The following FOXP2 variants were observed in gnomAD, a reference collection of about 807,000 sequenced individuals.
The protein encoded by FOXP2 is forkhead box P2, also known as forkhead box protein P2.
In FOXP2, 12 loss-of-function variants were observed where a neutral mutation model predicts 115.8. The observed-to-expected ratio is 0.10, with a 90% CI of 0.07 to 0.17. FOXP2 has a LOEUF of 0.17. Ranked by LOEUF, FOXP2 falls within the 10% of genes least tolerant of loss-of-function variation. The pLI, the probability that FOXP2 is intolerant of heterozygous loss-of-function variation, is 1.00. For synonymous variants in FOXP2, 328 were observed against 297.7 expected, an observed-to-expected ratio of 1.10 and a Z score of -1.05; for missense variants, 629 against 843.5, an observed-to-expected ratio of 0.75 and a Z score of 3.15.
At chr7:114,468,612 C>A (rs938492748) in intron 2 of FOXP2, among the ~76,000 whole-genome samples, 1 of 152,074 alleles carries the variant, frequency 6.6e-6, no homozygotes, top group African/African-American at 2.4e-5. Context: ...CTACCTGGAA[C>A]AACTCTTTCT....
intron 2 of FOXP2, among the ~76,000 whole-genome samples, chr7:114,444,546 C>G (rs1006231350): frequency 2.0e-5 from 3 of 152,116 alleles, no homozygotes; most frequent in African/African-American, 7.2e-5. Flanking sequence ...ACTAGTACAG[C>G]TTTATTAATT....
intron 1 of FOXP2, among the ~76,000 whole-genome samples, chr7:114,193,295 C>T (rs1281747801): frequency 1.3e-5 from 2 of 151,858 alleles, no homozygotes; most frequent in African/African-American, 2.4e-5. Flanking sequence ...GCTTTGTATT[C>T]GAGTTTCAAA....
intron 2 of FOXP2, among the ~76,000 whole-genome samples, chr7:114,508,460 T>A (rs548192986): frequency 1.3e-5 from 2 of 152,160 alleles, no homozygotes; most frequent in South Asian, 4.1e-4. Flanking sequence ...TATGATCTAG[T>A]CCTACAAAAG....
In FOXP2 at chr7:114,237,510, A is replaced by G. The variant is rs1351613368; in HGVS notation, c.-101-50509A>G. ...CTAAATTTTCTTTATTAAGCCTTATATTTTAATTATGGGAAACATAGATTA... is the reference window on the plus strand; with the variant it reads ...CTAAATTTTCTTTATTAAGCCTTATGTTTTAATTATGGGAAACATAGATTA... On this transcript the variant is annotated intron_variant, in intron 1 of 17. Transcript: ENST00000634411. 2.0e-5 allele frequency among the ~76,000 whole-genome samples: 3 copies of G among 152,278 alleles called. No individual in the cohort carries two copies. The East Asian group carries it at 5.8e-4, about 29-fold the overall frequency.
At chr7:114,486,640 G>A (rs555390974) in intron 2 of FOXP2, among the ~76,000 whole-genome samples, 40 of 152,316 alleles carry the variant, frequency 2.6e-4, no homozygotes, top group Non-Finnish European at 3.8e-4. Flanking sequence ...AAAATCAAAA[G>A]CAAGTCAGTT....
intron 3 of FOXP2, among the ~76,000 whole-genome samples, chr7:114,619,045 C>A (rs545241843): frequency 5.3e-5 from 8 of 152,100 alleles, no homozygotes; most frequent in Non-Finnish European, 1.2e-4. Context: ...ACAGCTTGAA[C>A]AAAGTGACAA....
At position 114,644,822 on chromosome 7, in the gene FOXP2, G is replaced by A. The variant is rs761834466; in HGVS notation, c.1094+33G>A. The A allele has an allele frequency of 6.5e-6, 10 of 1,534,826 alleles. No homozygotes were observed. In the East Asian group the frequency reaches 2.0e-4, roughly 31 times the overall value. On this transcript the variant is annotated intron_variant, in intron 8 of 16. Coordinates refer to ENST00000350908, the MANE Select transcript of FOXP2 (RefSeq NM_014491.4). ...TTTTACTTTTTTTTGGTGGGGGGCG[G>A]GGGCTGGATTATATGGGCATTTTAG... is the stretch of plus-strand genomic sequence containing the variant.
intron 1 of FOXP2, among the ~76,000 whole-genome samples, chr7:114,253,114 C>G (rs1281164346): frequency 1.3e-5 from 2 of 152,110 alleles, no homozygotes; most frequent in East Asian, 1.9e-4. Flanking sequence ...GGGTGAGTTT[C>G]TTAATCCTGA....
chr7:114,526,649 A>G (rs1432290369), intron 2 of FOXP2, among the ~76,000 whole-genome samples: 1 of 152,158 alleles, frequency 6.6e-6, no homozygotes. Context: ...AGTACCCTAT[A>G]GGAACTGATA....
chr7:114,569,076 T>A (rs1181104128), intron 3 of FOXP2, among the ~76,000 whole-genome samples: 1 of 152,000 alleles, frequency 6.6e-6, no homozygotes, highest in Non-Finnish European at 1.5e-5. Context: ...TGACAATCAC[T>A]TATTTTTTAT....
intron 2 of FOXP2, among the ~76,000 whole-genome samples, chr7:114,443,189 A>G (rs1794683087): frequency 6.6e-6 from 1 of 152,228 alleles, no homozygotes; most frequent in Non-Finnish European, 1.5e-5. Context: ...CACTCAGTAT[A>G]TAACATATGT....
intron 1 of FOXP2, among the ~76,000 whole-genome samples, chr7:114,191,693 C>T (rs890223261): frequency 1.3e-5 from 2 of 152,164 alleles, no homozygotes; most frequent in African/African-American, 4.8e-5. Flanking sequence ...TTTCCTCTCC[C>T]AACACAGTTT....
intron 1 of FOXP2, among the ~76,000 whole-genome samples, chr7:114,143,006 G>A (rs1792264117): frequency 6.6e-6 from 1 of 151,772 alleles, no homozygotes; most frequent in Non-Finnish European, 1.5e-5. Context: ...AAATTAGTCA[G>A]GCATGGTGGC....
rs945049195 is a variant in FOXP2, at chr7:114,662,130, A to G, written c.1713A>G (p.Ala571=). 5.0e-6 allele frequency: 8 copies of G among 1,612,890 alleles called. No homozygotes were observed. Among genetic ancestry groups the G allele is most frequent in the Non-Finnish European group, 3.4e-6 (4 of 1,179,240 alleles). Residue 571 remains alanine, a synonymous_variant, in exon 14 of 17, where the codon GCA becomes GCG. Transcript: ENST00000350908. Reference sequence around the variant, plus strand: ...TTCGAGTAGAAAATGTTAAAGGAGCAGTATGGACTGTGGATGAAGTAGAAT... The same window carrying G: ...TTCGAGTAGAAAATGTTAAAGGAGCGGTATGGACTGTGGATGAAGTAGAAT... ...CFVRVENVKG[A]VWTVDEVEYQ...
chr7:114,409,361 G>A (rs1303393378), upstream of FOXP2, among the ~76,000 whole-genome samples: 1 of 152,110 alleles, frequency 6.6e-6, no homozygotes, highest in African/African-American at 2.4e-5. Flanking sequence ...TGTATACAAT[G>A]CTAAGAGCAT....
chr7:114,613,083 C>T (rs1803719217), intron 3 of FOXP2, among the ~76,000 whole-genome samples: 1 of 152,164 alleles, frequency 6.6e-6, no homozygotes, highest in South Asian at 2.1e-4. Context: ...ATGTGATTGA[C>T]TCTTTGAAGC....
At position 114,529,740 on chromosome 7, in the gene FOXP2, G is replaced by T. The variant is rs187361724; in HGVS notation, c.169-4877G>T. Among the ~76,000 whole-genome samples the T allele has an allele frequency of 7.2e-4, 110 of 151,806 alleles. 1 individual carries two copies. Among genetic ancestry groups the T allele is most frequent in the Non-Finnish European group, 2.1e-4 (14 of 67,772 alleles). On this transcript the variant is annotated intron_variant, in intron 2 of 16. Transcript: ENST00000350908. ...ATGCATAATTTCACTCTGATAGATT[G>T]CTATTTGAAAATAGGTTATGCCAAT...
At chr7:114,222,725 T>A (rs1463031419) in intron 1 of FOXP2, among the ~76,000 whole-genome samples, 1 of 152,186 alleles carries the variant, frequency 6.6e-6, no homozygotes. Context: ...TTTAAGGTAA[T>A]CTCAAGGATG....
intron 2 of FOXP2, among the ~76,000 whole-genome samples, chr7:114,392,996 C>G (rs568375231): frequency 1.3e-5 from 2 of 151,982 alleles, no homozygotes; most frequent in African/African-American, 4.8e-5. Flanking sequence ...GGGAAGTTTC[C>G]GTACTCAGGA....
Sources: gnomAD v4.1 joint callset for allele counts (sites outside exome capture counted in the v4.1 genomes callset) on GRCh38, gnomAD v4.1.1 for gene constraint, MANE v1.5 for transcripts, NCBI Gene and HGNC (gene_info 2026-07-23, HGNC 2026-07-21) for gene names.